RALGPS1: variants seen among roughly 807,000 people sequenced by gnomAD.
The protein encoded by RALGPS1 is Ral GEF with PH domain and SH3 binding motif 1.
RALGPS1 carries 19 observed loss-of-function variants against 78.8 expected under a neutral mutation model. The ratio of observed to expected loss-of-function variants is 0.24; its 90% CI spans 0.17 to 0.35. The LOEUF (loss-of-function observed/expected upper bound fraction) is 0.35. Among genes scored for constraint, RALGPS1 ranks in the 10% least tolerant of loss-of-function variants. The pLI, the probability that RALGPS1 is intolerant of heterozygous loss-of-function variation, is 1.00. For missense variants in RALGPS1, 454 were observed against 688.3 expected (o/e 0.66, Z 3.81); for synonymous variants, 228 against 256.3 (o/e 0.89, Z 1.06).
chr9:126,927,725 G>A (rs557146557), intron 1 of RALGPS1, among the ~76,000 whole-genome samples: 8 of 152,218 alleles, frequency 5.3e-5, no homozygotes, highest in Non-Finnish European at 7.4e-5. Flanking sequence ...ATCTCTATCC[G>A]CTGAAGCCAG....
intron 5 of RALGPS1, among the ~76,000 whole-genome samples, chr9:127,042,475 T>TA (rs961003266): frequency 2.1e-4 from 32 of 150,272 alleles, no homozygotes; most frequent in East Asian, 3.9e-4. Context: ...CATTCATAAT[T>TA]AAAAAAAAAA....
chr9:126,962,209 C>T lies in RALGPS1; in HGVS notation c.-65-16C>T. On this transcript the variant is annotated splice_polypyrimidine_tract_variant and intron_variant, in intron 1 of 18. Coordinates refer to ENST00000259351, the MANE Select transcript of RALGPS1 (RefSeq NM_014636.3). ...TGTTTTGAAGACTGATTTTTATGAG[C>T]CCCTTTGCCTTGCAGGACTTCTCCA... The T allele has an allele frequency of 1.4e-6, 2 of 1,406,866 alleles. No homozygotes were observed. The highest frequency in any genetic ancestry group is 2.0e-6 in the Non-Finnish European group (2 of 1,002,950). 87.1% of individuals were successfully genotyped at this position (1,406,866 alleles called of 1,614,324 possible).
intron 4 of RALGPS1, among the ~76,000 whole-genome samples, chr9:127,003,300 C>T (rs2133675527): frequency 6.6e-6 from 1 of 152,146 alleles, no homozygotes; most frequent in East Asian, 1.9e-4. Context: ...TCGCAACCTA[C>T]TCATCTGACA....
chr9:127,081,247 A>T (rs770447575), intron 8 of RALGPS1, among the ~76,000 whole-genome samples: 19 of 152,172 alleles, frequency 1.2e-4, no homozygotes, highest in African/African-American at 4.6e-4. Context: ...TTAAATATAC[A>T]TTTCTCTGCC....
intron 8 of RALGPS1, among the ~76,000 whole-genome samples, chr9:127,156,722 TGTGTGG>T (rs1481197134): frequency 6.6e-6 from 1 of 152,144 alleles, no homozygotes; most frequent in East Asian, 1.9e-4. Context: ...CATGCAGAAG[TGTGTGG>T]GTTTTGAGAA....
At chr9:127,050,643 C>T (rs928483062) in intron 6 of RALGPS1, among the ~76,000 whole-genome samples, 12 of 152,296 alleles carry the variant, frequency 7.9e-5, no homozygotes, top group African/African-American at 1.2e-4. Context: ...CTCCTGCCCC[C>T]GGCCTGATAG....
chr9:127,208,549 C>T (rs951647646), intron 14 of RALGPS1, among the ~76,000 whole-genome samples: 2 of 152,092 alleles, frequency 1.3e-5, no homozygotes, highest in South Asian at 2.1e-4. Context: ...ATTGTGGGGA[C>T]GGTAAGGGTG....
At position 127,134,011 on chromosome 9, in the gene RALGPS1, C is replaced by CA. The variant is rs572717330; in HGVS notation, c.611-32058_611-32057insA. ...GTAAATGCTCTTGTCCTCGCTCCCCCCCCCGTGAATGCTGTGATTCAGCAC... is the reference window on the plus strand; with the variant it reads ...GTAAATGCTCTTGTCCTCGCTCCCCCACCCCGTGAATGCTGTGATTCAGCAC... On this transcript the variant is annotated intron_variant, in intron 8 of 18. Coordinates refer to ENST00000259351, the MANE Select transcript of RALGPS1 (RefSeq NM_014636.3). Among the ~76,000 whole-genome samples the CA allele has an allele frequency of 2.8e-4, 42 of 150,468 alleles. No individual in the cohort carries two copies. The South Asian group carries it at 5.0e-3, about 18-fold the overall frequency.
intron 1 of RALGPS1, among the ~76,000 whole-genome samples, chr9:126,948,861 A>G (rs1176751678): frequency 6.6e-6 from 1 of 151,880 alleles, no homozygotes; most frequent in Non-Finnish European, 1.5e-5. Flanking sequence ...ACATGTGCAC[A>G]ATGTGCAGGT....
At chr9:127,051,046 G>A (rs765832531) in intron 6 of RALGPS1, among the ~76,000 whole-genome samples, 2 of 152,204 alleles carry the variant, frequency 1.3e-5, no homozygotes, top group East Asian at 1.9e-4. Flanking sequence ...GGCAGGAATC[G>A]GAGTCGTGCC....
intron 7 of RALGPS1, 44 bp from the exon 8 acceptor site, chr9:127,069,186 T>G: frequency 6.5e-7 from 1 of 1,547,600 alleles, no homozygotes; most frequent in Non-Finnish European, 8.9e-7. Flanking sequence ...ACTCTTTAGC[T>G]TCTTCTGGTT....
intron 7 of RALGPS1, among the ~76,000 whole-genome samples, chr9:127,061,939 A>C (rs1366099565): frequency 6.6e-6 from 1 of 152,164 alleles, no homozygotes; most frequent in Non-Finnish European, 1.5e-5. Flanking sequence ...CTTTGTGGGA[A>C]TATCTGCTGG....
intron 8 of RALGPS1, chr9:127,108,629 G>T (rs1395711068): frequency 6.2e-7 from 1 of 1,613,472 alleles, no homozygotes; most frequent in African/African-American, 1.3e-5. Context: ...AACTCTCTTG[G>T]CGAGCCCTCC....
At chr9:127,016,466 G>A (rs994678549) in intron 4 of RALGPS1, among the ~76,000 whole-genome samples, 4 of 152,108 alleles carry the variant, frequency 2.6e-5, no homozygotes, top group African/African-American at 9.7e-5. Flanking sequence ...GTCACAGAGG[G>A]GGTTTAGGAC....
chr9:127,166,732 C>G (rs2059311416), intron 9 of RALGPS1, among the ~76,000 whole-genome samples: 1 of 152,144 alleles, frequency 6.6e-6, no homozygotes, highest in Admixed American at 6.5e-5. Context: ...GAGATATAAT[C>G]TAGCTGTGGG....
At chr9:127,078,742 A>C (rs977473200) in intron 8 of RALGPS1, among the ~76,000 whole-genome samples, 3 of 152,196 alleles carry the variant, frequency 2.0e-5, no homozygotes, top group Non-Finnish European at 4.4e-5. Flanking sequence ...GCATAAGCCC[A>C]TTTTGTGCAA....
chr9:127,070,848 A>C (rs1449288604), intron 8 of RALGPS1, among the ~76,000 whole-genome samples: 1 of 151,834 alleles, frequency 6.6e-6, no homozygotes, highest in African/African-American at 2.4e-5. Context: ...TTGTTTATTT[A>C]GATTTTCTTT....
intron 1 of RALGPS1, among the ~76,000 whole-genome samples, chr9:126,940,698 T>G (rs1399296747): frequency 6.6e-6 from 1 of 152,102 alleles, no homozygotes; most frequent in Non-Finnish European, 1.5e-5. Flanking sequence ...AACAGGTATA[T>G]TCTTATGCTG....
chr9:127,182,289 G>A (rs2060274823), intron 11 of RALGPS1, among the ~76,000 whole-genome samples: 1 of 151,110 alleles, frequency 6.6e-6, no homozygotes, highest in South Asian at 2.1e-4. Flanking sequence ...GTAGAACCAT[G>A]AGCCAGTTAA....
Sources: gnomAD v4.1 joint callset for allele counts (sites outside exome capture counted in the v4.1 genomes callset) on GRCh38, gnomAD v4.1.1 for gene constraint, MANE v1.5 for transcripts, NCBI Gene and HGNC (gene_info 2026-07-23, HGNC 2026-07-21) for gene names.